Variants in C2orf80 observed in about 807,000 individuals in gnomAD.
C2orf80 encodes uncharacterized protein C2orf80.
In C2orf80, 28 loss-of-function variants were observed where a neutral mutation model predicts 30.2. That is an observed-to-expected ratio of 0.93 (90% confidence interval 0.69 to 1.27). C2orf80 has a LOEUF of 1.27. Ranked by LOEUF, C2orf80 falls within the 50% of genes most tolerant of loss-of-function variation. The pLI, the probability that C2orf80 is intolerant of heterozygous loss-of-function variation, is 0.00. For missense variants in C2orf80, 220 were observed against 231.0 expected, an observed-to-expected ratio of 0.95 and a Z score of 0.31; for synonymous variants, 80 against 76.4, an observed-to-expected ratio of 1.05 and a Z score of -0.24.
In C2orf80 at chr2:208,176,936, CATATCTGT is replaced by C. The variant is rs1235111522; in HGVS notation, c.366+3801_366+3808del. On this transcript the variant is annotated intron_variant, in intron 6 of 8. Transcript: ENST00000341287. ...ATACATATCTGTATACATATGTATA[CATATCTGT>C]ATACATATCTGTATACATATGTATA... Among the ~76,000 whole-genome samples the C allele has an allele frequency of 7.0e-4, 56 of 80,436 alleles. 17 individuals carry two copies. Among genetic ancestry groups the C allele is most frequent in the Non-Finnish European group, 1.2e-3 (42 of 36,124 alleles). The allele number at this position is 80,436 out of a possible 152,430, so 52.8% of individuals were successfully genotyped here.
intron 8 of C2orf80, among the ~76,000 whole-genome samples, chr2:208,170,031 T>C (rs1335499742): frequency 2.0e-5 from 3 of 152,178 alleles, no homozygotes; most frequent in Non-Finnish European, 2.9e-5. Context: ...AATTTAAAAA[T>C]GCATGGTACA....
At chr2:208,187,349 C>A (rs1559345914) in intron 1 of C2orf80, among the ~76,000 whole-genome samples, 1 of 152,118 alleles carries the variant, frequency 6.6e-6, no homozygotes, top group African/African-American at 2.4e-5. Context: ...GCTGATGAGA[C>A]TATTCGGGCA....
intron 8 of C2orf80, among the ~76,000 whole-genome samples, chr2:208,168,849 G>A (rs1695997766): frequency 2.0e-5 from 3 of 147,322 alleles, no homozygotes; most frequent in Admixed American, 7.0e-5. Flanking sequence ...TCCTGGGCTC[G>A]CAAGCATCAA....
At chr2:208,188,708 C>T (rs540941833) in intron 1 of C2orf80, among the ~76,000 whole-genome samples, 1 of 152,196 alleles carries the variant, frequency 6.6e-6, no homozygotes, top group African/African-American at 2.4e-5. Flanking sequence ...CTCAGCCTCC[C>T]AAAGTGCTGG....
At chr2:208,170,878 C>A (rs1272886076) in intron 8 of C2orf80, 67 bp downstream of exon 8, 2 of 1,273,440 alleles carry the variant, frequency 1.6e-6, no homozygotes, top group Non-Finnish European at 2.3e-6. Context: ...CTTTTAACCA[C>A]GGTATCAGGA....
chr2:208,177,136 T>TACATATATATTATATATACAC (rs1381264940), intron 6 of C2orf80, among the ~76,000 whole-genome samples: 3 of 147,004 alleles, frequency 2.0e-5, no homozygotes, highest in Non-Finnish European at 4.5e-5. Context: ...TATATATACA[T>TACATATATATTATATATACAC]ACATATATAT....
At chr2:208,178,119 T>C (rs1041613105) in intron 6 of C2orf80, among the ~76,000 whole-genome samples, 12 of 152,044 alleles carry the variant, frequency 7.9e-5, no homozygotes, top group African/African-American at 2.9e-4. Context: ...CGCCCAGCCT[T>C]CTAGCAACTT....
chr2:208,189,067 T>C (rs1177871483), intron 1 of C2orf80, among the ~76,000 whole-genome samples: 1 of 152,198 alleles, frequency 6.6e-6, no homozygotes, highest in Non-Finnish European at 1.5e-5. Context: ...AGAGCACTTC[T>C]TACCCTAACA....
intron 6 of C2orf80, among the ~76,000 whole-genome samples, chr2:208,178,749 T>TA (rs889863033): frequency 2.6e-5 from 4 of 151,438 alleles, no homozygotes; most frequent in African/African-American, 9.7e-5. Context: ...CCCCCATCCC[T>TA]AAAATTTTTT....
intron 7 of C2orf80, 52 bp downstream of exon 7, chr2:208,171,936 T>C: frequency 6.9e-7 from 1 of 1,459,672 alleles, no homozygotes; most frequent in South Asian, 1.1e-5. Flanking sequence ...TACTTCCTAA[T>C]TTCCTAGTTT....
At chr2:208,189,407 ACT>A (rs1337621687) in intron 1 of C2orf80, among the ~76,000 whole-genome samples, 1 of 152,076 alleles carries the variant, frequency 6.6e-6, no homozygotes, top group Non-Finnish European at 1.5e-5. Flanking sequence ...AGTATGTCCC[ACT>A]CCCAAACCAC....
intron 6 of C2orf80, among the ~76,000 whole-genome samples, chr2:208,179,206 G>T (rs1696471222): frequency 6.6e-6 from 1 of 152,244 alleles, no homozygotes; most frequent in Admixed American, 6.5e-5. Context: ...CAGAGAGAAA[G>T]TTCTGATTTT....
intron 2 of C2orf80, among the ~76,000 whole-genome samples, chr2:208,186,565 C>A (rs1696724001): frequency 6.6e-6 from 1 of 152,172 alleles, no homozygotes; most frequent in South Asian, 2.1e-4. Flanking sequence ...AGAGCAGAGG[C>A]TGCAATTTAG....
intron 6 of C2orf80, among the ~76,000 whole-genome samples, chr2:208,176,991 GTATACATA>G (rs750495616): frequency 0.23 from 3,657 of 16,098 alleles, 206 homozygotes; most frequent in Admixed American, 0.28. Context: ...AAATGTATAT[GTATACATA>G]TATACATATA....
At chr2:208,173,479 G>A (rs1162835999) in intron 6 of C2orf80, among the ~76,000 whole-genome samples, 1 of 151,978 alleles carries the variant, frequency 6.6e-6, no homozygotes, top group Non-Finnish European at 1.5e-5. Flanking sequence ...AAAAAAATTA[G>A]CCAGGCGTGG....
intron 8 of C2orf80, among the ~76,000 whole-genome samples, chr2:208,166,024 T>C (rs548958441): frequency 4.9e-4 from 75 of 152,340 alleles, no homozygotes; most frequent in African/African-American, 1.6e-3. Flanking sequence ...AAATGCAATA[T>C]GTGATCCCAT....
At chr2:208,176,365 G>T (rs1251412469) in intron 6 of C2orf80, among the ~76,000 whole-genome samples, 2 of 152,136 alleles carry the variant, frequency 1.3e-5, no homozygotes, top group African/African-American at 2.4e-5. Flanking sequence ...TAGTAGAGAT[G>T]GGGTTTCACC....
intron 2 of C2orf80, among the ~76,000 whole-genome samples, chr2:208,186,590 C>T (rs1436534055): frequency 6.6e-6 from 1 of 152,214 alleles, no homozygotes; most frequent in African/African-American, 2.4e-5. Flanking sequence ...TGGGCCCTTT[C>T]AGGAATCTCT....
At chr2:208,176,244 C>T (rs1416005300) in intron 6 of C2orf80, among the ~76,000 whole-genome samples, 3 of 152,104 alleles carry the variant, frequency 2.0e-5, no homozygotes, top group Non-Finnish European at 4.4e-5. Flanking sequence ...GGCACTATCT[C>T]CACTCACTGC....
Sources: gnomAD v4.1 joint callset for allele counts (sites outside exome capture counted in the v4.1 genomes callset) on GRCh38, gnomAD v4.1.1 for gene constraint, MANE v1.5 for transcripts, NCBI Gene and HGNC (gene_info 2026-07-23, HGNC 2026-07-21) for gene names.